The following LOXHD1 variants were observed in gnomAD, a reference collection of about 807,000 sequenced individuals.
LOXHD1 encodes the protein lipoxygenase homology domain-containing protein 1.
Under a neutral mutation model 248.2 loss-of-function variants are expected in LOXHD1, and 205 were observed. The ratio of observed to expected loss-of-function variants is 0.83; its 90% CI spans 0.74 to 0.93. The LOEUF is 0.93. LOXHD1 is among the 40% of genes least tolerant of loss of function. The pLI is 0.00. For missense variants in LOXHD1, 2,930 were observed against 2,971.6 expected, an observed-to-expected ratio of 0.99 and a Z score of 0.33; for synonymous variants, 1,113 against 1,162.8, an observed-to-expected ratio of 0.96 and a Z score of 0.87.
At position 46,519,389 on chromosome 18, in the gene LOXHD1, C is replaced by A. The variant is rs62097064; in HGVS notation, c.5272-1133G>T. ...CTATTAATCACAGCGGTCATGTTCC[C>A]ATCATTGTCCTGGTGGGGGTTGCAT... is the stretch of plus-strand genomic sequence containing the variant. On this transcript the variant is annotated intron_variant, in intron 33 of 40. Coordinates refer to ENST00000642948, the MANE Select transcript of LOXHD1 (RefSeq NM_001384474.1). Among the ~76,000 whole-genome samples the A allele has an allele frequency of 1.8e-3, 277 of 152,316 alleles. 3 individuals carry two copies. Among genetic ancestry groups the A allele is most frequent in the African/African-American group, 6.3e-3 (262 of 41,560 alleles).
chr18:46,616,222 C>T (rs2038585049), intron 5 of LOXHD1, among the ~76,000 whole-genome samples: 1 of 152,144 alleles, frequency 6.6e-6, no homozygotes, highest in African/African-American at 2.4e-5. Context: ...TTCTTCATTT[C>T]CTTCCTTCGA....
chr18:46,583,840 T>C (rs1357678389), intron 12 of LOXHD1, among the ~76,000 whole-genome samples: 1 of 59,262 alleles, frequency 1.7e-5, no homozygotes, highest in Non-Finnish European at 4.8e-5. Flanking sequence ...TTACTGGGTA[T>C]ATATCCAAAA....
chr18:46,631,567 G>A (rs189032858), intron 4 of LOXHD1, among the ~76,000 whole-genome samples: 5 of 152,302 alleles, frequency 3.3e-5, no homozygotes, highest in East Asian at 3.9e-4. Context: ...CAGTGGGGTC[G>A]GGGTGGCATG....
intron 18 of LOXHD1, among the ~76,000 whole-genome samples, chr18:46,561,323 C>T (rs1223297906): frequency 6.6e-6 from 1 of 152,140 alleles, no homozygotes; most frequent in Admixed American, 6.5e-5. Flanking sequence ...CCAGGATGGG[C>T]ATAGCACATA....
intron 21 of LOXHD1, chr18:46,556,783 G>GTGC: frequency 5.5e-6 from 1 of 182,956 alleles, no homozygotes; most frequent in African/African-American, 2.5e-5. Flanking sequence ...CTCAGTCTCA[G>GTGC]ACATCACAGC....
chr18:46,642,839 C>T (rs969502334), intron 2 of LOXHD1, among the ~76,000 whole-genome samples: 2 of 152,146 alleles, frequency 1.3e-5, no homozygotes, highest in East Asian at 1.9e-4. Flanking sequence ...ATTTGAGCCC[C>T]GGCCTGCCAG....
rs1274524633 is a variant in LOXHD1, at chr18:46,601,307, G to A, written c.1044C>T (p.His348=). ...VFDRGRTDIF[H]IELAVLLSPL... ...GGCTAAGGAGGACAGCCAGCTCGAT[G>A]TGGAAGATGTCCGTGCGGCCTCGGT... Residue 348 remains histidine (H), a synonymous_variant, in exon 8 of 41, where the codon CAC becomes CAT. Coordinates refer to ENST00000642948, the MANE Select transcript of LOXHD1 (RefSeq NM_001384474.1). 2 of 1,551,754 alleles carry A rather than the reference G, an allele frequency of 1.3e-6. No homozygotes were observed. Among genetic ancestry groups the A allele is most frequent in the South Asian group, 1.2e-5 (1 of 84,070 alleles).
chr18:46,592,713 A>G, intron 10 of LOXHD1, 129 bp from the exon 11 acceptor site: 2 of 740,298 alleles, frequency 2.7e-6, no homozygotes, highest in Non-Finnish European at 4.6e-6. Flanking sequence ...GGTTTGCTTC[A>G]ATCAAGCCAC....
At chr18:46,485,283 T>A in intron 38 of LOXHD1, 132 bp from the exon 39 acceptor site, 2 of 977,048 alleles carry the variant, frequency 2.0e-6, no homozygotes, top group Non-Finnish European at 3.0e-6. Flanking sequence ...GGGAGGCAGG[T>A]TAAAAGCACC....
intron 8 of LOXHD1, among the ~76,000 whole-genome samples, chr18:46,597,759 C>G (rs1006319764): frequency 1.4e-5 from 2 of 141,608 alleles, no homozygotes; most frequent in Non-Finnish European, 3.1e-5. Flanking sequence ...TAGAAAAATT[C>G]TTTTTTTTTT....
chr18:46,548,090 T>C (rs370864804), intron 21 of LOXHD1, among the ~76,000 whole-genome samples: 3 of 152,266 alleles, frequency 2.0e-5, no homozygotes, highest in African/African-American at 7.2e-5. Context: ...TTGTCGCTCT[T>C]GTAATTTCCC....
At position 46,657,066 on chromosome 18, in the gene LOXHD1, C is replaced by A; in HGVS notation, c.-33G>T. The A allele has an allele frequency of 6.4e-7, 1 of 1,551,474 alleles. No homozygotes were observed. Among genetic ancestry groups the A allele is most frequent in the Non-Finnish European group, 8.7e-7 (1 of 1,146,848 alleles). On this transcript the variant is annotated 5_prime_UTR_variant, in exon 1 of 41. Transcript: ENST00000642948. ...GCTGCCTTCTCCCAGCGCTCGCAGG[C>A]TCACTGTGCCGCCTCCTCACACCTG... is the stretch of plus-strand genomic sequence containing the variant.
intron 6 of LOXHD1, among the ~76,000 whole-genome samples, chr18:46,605,417 C>CTCA (rs71162811): frequency 3.2e-4 from 49 of 151,856 alleles, no homozygotes; most frequent in Non-Finnish European, 6.3e-4. Context: ...GTCTCAGCTA[C>CTCA]GCAGGAGAAT....
At chr18:46,492,325 TAAAGA>T (rs1464403280) in intron 37 of LOXHD1, among the ~76,000 whole-genome samples, 1 of 152,184 alleles carries the variant, frequency 6.6e-6, no homozygotes, top group Non-Finnish European at 1.5e-5. Context: ...GGGTAATTTA[TAAAGA>T]AAAGAGGTTT....
intron 21 of LOXHD1, 87 bp from the exon 22 acceptor site, chr18:46,547,145 CT>C (rs2036884418): frequency 1.4e-6 from 2 of 1,451,194 alleles, no homozygotes; most frequent in Non-Finnish European, 1.9e-6. Context: ...GAGAGGCCCT[CT>C]ATGGGGTCCC....
At chr18:46,582,097 A>G (rs1173978034) in intron 12 of LOXHD1, among the ~76,000 whole-genome samples, 1 of 152,226 alleles carries the variant, frequency 6.6e-6, no homozygotes, top group Non-Finnish European at 1.5e-5. Flanking sequence ...GATAGAATAA[A>G]GAGTACCAGA....
rs727503141 is a variant in LOXHD1, at chr18:46,546,938, G to T, written c.3471C>A (p.Gly1157=). 1 of 1,551,418 alleles carries T rather than the reference G, an allele frequency of 6.4e-7. No homozygotes were observed. The highest frequency in any genetic ancestry group is 8.7e-7 in the Non-Finnish European group (1 of 1,146,770). The change falls in exon 22 of 41, where the codon GGC becomes GGA. Residue 1157 remains glycine (G), a synonymous_variant. Transcript: ENST00000642948. ...GGTTGTCGAGGGGGTTGTTGTCACC[G>T]CCTCCCCTACCCTCCTCGCTCTGTG... ...VLPQSEEGRG[G]GDNNPLDNLA...
chr18:46,559,040 C>A lies in LOXHD1; in HGVS notation c.3216+408G>T, dbSNP rs1298753340. The A allele has an allele frequency of 1.9e-5, 15 of 803,992 alleles. No homozygotes were observed. The Admixed American group carries it at 3.5e-4, about 19-fold the overall frequency. 49.8% of individuals were successfully genotyped at this position (803,992 alleles called of 1,614,324 possible). A position where few individuals can be genotyped will look rare whatever the true frequency, so the allele number is the denominator to read the frequency against. ...GGTTCCATCTTCTGAGAACATCTTCCACTGTTGCCTTTATATGTCTACACC... is the reference window on the plus strand; with the variant it reads ...GGTTCCATCTTCTGAGAACATCTTCAACTGTTGCCTTTATATGTCTACACC... On this transcript the variant is annotated intron_variant, in intron 20 of 40. Coordinates refer to ENST00000642948, the MANE Select transcript of LOXHD1 (RefSeq NM_001384474.1).
intron 19 of LOXHD1, 32 bp downstream of exon 19, chr18:46,560,051 C>CAG: frequency 4.3e-5 from 56 of 1,310,638 alleles, no homozygotes; most frequent in East Asian, 7.9e-5. Context: ...TGGCCACTCC[C>CAG]TCCCCACCCC....
Sources: gnomAD v4.1 joint callset for allele counts (sites outside exome capture counted in the v4.1 genomes callset) on GRCh38, gnomAD v4.1.1 for gene constraint, MANE v1.5 for transcripts, NCBI Gene and HGNC (gene_info 2026-07-23, HGNC 2026-07-21) for gene names.